The following AP4E1 variants were observed in gnomAD, a reference collection of about 807,000 sequenced individuals.
The protein encoded by AP4E1 is adaptor related protein complex 4 subunit epsilon 1.
Under a neutral mutation model 128.2 loss-of-function variants are expected in AP4E1, and 56 were observed. The observed-to-expected ratio is 0.44, with a 90% CI of 0.35 to 0.55. The LOEUF is 0.55. Ranked by LOEUF, AP4E1 falls within the 20% of genes least tolerant of loss-of-function variation. AP4E1 has a pLI of 0.00. For synonymous variants in AP4E1, 484 were observed against 473.1 expected (o/e 1.02, Z -0.30); for missense variants, 1,324 against 1,307.7 (o/e 1.01, Z -0.19).
chr15:51,002,743 T>C lies in AP4E1; in HGVS notation c.*81T>C, dbSNP rs1369519865. The C allele has an allele frequency of 2.0e-6, 3 of 1,511,954 alleles. No individual in the cohort carries two copies. Among genetic ancestry groups the C allele is most frequent in the African/African-American group, 2.7e-5 (2 of 72,760 alleles). The allele number at this position is 1,511,954 out of a possible 1,614,324, so 93.7% of individuals were successfully genotyped here. ...TATTTACCAAAGTAAAAAGAACTCA[T>C]GGTACTTCTAATGAAAATGGGGATT... is the stretch of plus-strand genomic sequence containing the variant. On this transcript the variant is annotated 3_prime_UTR_variant, in exon 21 of 21. Coordinates refer to ENST00000261842, the MANE Select transcript of AP4E1 (RefSeq NM_007347.5).
intron 1 of AP4E1, among the ~76,000 whole-genome samples, chr15:50,909,907 G>A (rs1026644819): frequency 1.4e-4 from 21 of 152,206 alleles, no homozygotes; most frequent in African/African-American, 5.1e-4. Flanking sequence ...GGATGGTCTC[G>A]ATCTCCTGAC....
intron 1 of AP4E1, 122 bp downstream of exon 1, chr15:50,909,050 C>T: frequency 6.9e-7 from 1 of 1,457,222 alleles, no homozygotes; most frequent in Non-Finnish European, 9.1e-7. Flanking sequence ...GGCTCAGGGG[C>T]TGCTGTGTCG....
intron 6 of AP4E1, among the ~76,000 whole-genome samples, chr15:50,929,773 A>G (rs1014366254): frequency 6.6e-6 from 1 of 152,188 alleles, no homozygotes; most frequent in South Asian, 2.1e-4. Flanking sequence ...ATTGTTTTTT[A>G]TGTATCGTGT....
At chr15:50,989,163 C>T (rs1269027891) in intron 16 of AP4E1, among the ~76,000 whole-genome samples, 6 of 152,028 alleles carry the variant, frequency 3.9e-5, no homozygotes, top group African/African-American at 4.8e-5. Flanking sequence ...TATTCTGATG[C>T]GACAGTAAAG....
At chr15:50,973,921 G>T (rs2064517204) in intron 15 of AP4E1, among the ~76,000 whole-genome samples, 1 of 152,086 alleles carries the variant, frequency 6.6e-6, no homozygotes, top group South Asian at 2.1e-4. Context: ...AATTATTTGG[G>T]ATAAATACCC....
intron 14 of AP4E1, among the ~76,000 whole-genome samples, chr15:50,964,721 G>T (rs1337042358): frequency 6.6e-6 from 1 of 152,022 alleles, no homozygotes; most frequent in African/African-American, 2.4e-5. Flanking sequence ...TTTTCCAGAT[G>T]ATTTCTTCAA....
chr15:50,993,735 T>A (rs2064834028), intron 17 of AP4E1, 110 bp downstream of exon 17: 2 of 1,314,492 alleles, frequency 1.5e-6, no homozygotes, highest in African/African-American at 2.9e-5. Flanking sequence ...GAAAAGTGGC[T>A]TCCCCAGTTC....
intron 15 of AP4E1, among the ~76,000 whole-genome samples, chr15:50,969,664 T>C (rs971084486): frequency 3.5e-4 from 53 of 150,642 alleles, no homozygotes; most frequent in African/African-American, 1.3e-3. Context: ...ATCTTTCTTT[T>C]TTTTTTTTTT....
At chr15:50,909,327 C>A (rs1420956720) in intron 1 of AP4E1, among the ~76,000 whole-genome samples, 1 of 152,196 alleles carries the variant, frequency 6.6e-6, no homozygotes, top group Non-Finnish European at 1.5e-5. Context: ...TATTTACCTT[C>A]CACAAAGTTT....
chr15:51,005,724 G>A lies in AP4E1; in HGVS notation c.*3062G>A, dbSNP rs2065010748. Reference sequence around the variant, plus strand: ...ATTTGCCTCATGATTGTGAGCCACTGAGAGTGCACTGAACCTATTCACATG... The same window carrying A: ...ATTTGCCTCATGATTGTGAGCCACTAAGAGTGCACTGAACCTATTCACATG... On this transcript the variant is annotated 3_prime_UTR_variant, in exon 21 of 21. Coordinates refer to ENST00000261842, the MANE Select transcript of AP4E1 (RefSeq NM_007347.5). The A allele has an allele frequency of 6.6e-6, 1 of 152,568 alleles. No homozygotes were observed. Among genetic ancestry groups the A allele is most frequent in the Non-Finnish European group, 1.5e-5 (1 of 68,014 alleles). The allele number at this position is 152,568 out of a possible 1,614,324, so 9.5% of individuals were successfully genotyped here.
intron 15 of AP4E1, among the ~76,000 whole-genome samples, chr15:50,970,946 T>G (rs1482469986): frequency 2.6e-5 from 4 of 152,208 alleles, no homozygotes; most frequent in African/African-American, 9.6e-5. Context: ...TGTTCCTTAC[T>G]TCCTCTCTTA....
In AP4E1 at chr15:50,962,889, CAAAAAAAAAA is replaced by C. The variant is rs71127168; in HGVS notation, c.1851+4113_1851+4122del. The stretch of plus-strand genomic sequence containing the variant: ...ATATATAAGGAACTCAATTCAACAG[CAAAAAAAAAA>C]AAAAAAAAAAAAAAAAATCCCATTT... On this transcript the variant is annotated intron_variant, in intron 14 of 20. Coordinates refer to ENST00000261842, the MANE Select transcript of AP4E1 (RefSeq NM_007347.5). Among the ~76,000 whole-genome samples the C allele has an allele frequency of 1.2e-3, 47 of 38,718 alleles. 1 individual carries two copies. The highest frequency in any genetic ancestry group is 4.9e-3 in the African/African-American group (43 of 8,728). 25.4% of individuals were successfully genotyped at this position (38,718 alleles called of 152,430 possible).
intron 6 of AP4E1, among the ~76,000 whole-genome samples, chr15:50,929,670 A>G (rs1256368030): frequency 6.6e-6 from 1 of 152,152 alleles, no homozygotes; most frequent in Admixed American, 6.5e-5. Flanking sequence ...TATTGCCTGA[A>G]ACCATTTGTG....
intron 20 of AP4E1, among the ~76,000 whole-genome samples, chr15:51,002,277 C>T (rs774790803): frequency 2.0e-5 from 3 of 152,208 alleles, no homozygotes; most frequent in African/African-American, 7.2e-5. Flanking sequence ...AGTTTCTCCA[C>T]GTCTTCATCA....
intron 13 of AP4E1, 82 bp from the exon 14 acceptor site, chr15:50,958,410 G>A: frequency 8.6e-7 from 1 of 1,159,790 alleles, no homozygotes; most frequent in Non-Finnish European, 1.2e-6. Flanking sequence ...CACTCTAGCA[G>A]TAGGTACTTT....
At chr15:51,001,243 A>G in intron 20 of AP4E1, 60 bp downstream of exon 20, 2 of 1,471,004 alleles carry the variant, frequency 1.4e-6, no homozygotes, top group Admixed American at 1.7e-5. Flanking sequence ...TAATTGGAAC[A>G]CAAATCAACT....
intron 13 of AP4E1, among the ~76,000 whole-genome samples, chr15:50,958,123 A>G (rs973746511): frequency 3.3e-5 from 5 of 152,182 alleles, no homozygotes; most frequent in African/African-American, 1.2e-4. Flanking sequence ...GAAACACCTT[A>G]AGTGCCTCTT....
intron 2 of AP4E1, among the ~76,000 whole-genome samples, chr15:50,914,650 CAAAAAAA>C (rs60591318): frequency 1.1e-5 from 1 of 93,716 alleles, no homozygotes; most frequent in Admixed American, 1.1e-4. Flanking sequence ...GACTCTGTCT[CAAAAAAA>C]AAAAAAAAAA....
chr15:50,961,383 A>G (rs1378406473), intron 14 of AP4E1, among the ~76,000 whole-genome samples: 3 of 152,070 alleles, frequency 2.0e-5, no homozygotes, highest in South Asian at 4.1e-4. Context: ...ACTGAATCCA[A>G]TAACACACCA....
Sources: gnomAD v4.1 joint callset for allele counts (sites outside exome capture counted in the v4.1 genomes callset) on GRCh38, gnomAD v4.1.1 for gene constraint, MANE v1.5 for transcripts, NCBI Gene and HGNC (gene_info 2026-07-23, HGNC 2026-07-21) for gene names.